TMEM38B: variants seen among roughly 807,000 people sequenced by gnomAD.
The protein encoded by TMEM38B is transmembrane protein 38B, also known as trimeric intracellular cation channel type B.
A neutral mutation model predicts 28.7 loss-of-function variants in TMEM38B; 24 were observed. The observed-to-expected ratio is 0.84, with a 90% confidence interval of 0.61 to 1.18. The LOEUF is 1.18. Ranked by LOEUF, TMEM38B falls within the 50% of genes most tolerant of loss-of-function variation. The pLI, the probability that TMEM38B is intolerant of heterozygous loss-of-function variation, is 0.00. For missense variants in TMEM38B, 380 were observed against 350.9 expected (o/e 1.08, Z -0.66); for synonymous variants, 131 against 127.7 (o/e 1.03, Z -0.17).
At chr9:105,707,156 CCTAA>C (rs1214288268) in intron 2 of TMEM38B, among the ~76,000 whole-genome samples, 24 of 152,118 alleles carry the variant, frequency 1.6e-4, no homozygotes, top group African/African-American at 5.8e-4. Context: ...ATCTTGTGAA[CCTAA>C]CTGATACACG....
intron 2 of TMEM38B, chr9:105,710,714 ACCTGGTGTCG>A: frequency 1.6e-6 from 1 of 643,004 alleles, no homozygotes; most frequent in East Asian, 3.6e-5. Context: ...AAATCTTCAG[ACCTGGTGTCG>A]TTGGCTATGT....
intron 3 of TMEM38B, 114 bp from the exon 4 acceptor site, chr9:105,722,420 T>G (rs1836350701): frequency 3.4e-6 from 3 of 876,222 alleles, no homozygotes; most frequent in African/African-American, 1.7e-5. Context: ...CCAAGAATTA[T>G]ATTTTGGGAA....
rs1414843749 is a variant in TMEM38B, at chr9:105,741,288, G to A, written c.543-6785G>A. ...CCACAGGAAAGTAATAGAGATTTTG[G>A]TACAGGATATGGTGTGCTGCTGTAA... is the stretch of plus-strand genomic sequence containing the variant. On this transcript the variant is annotated intron_variant, in intron 4 of 5. Transcript: ENST00000374692. Among the ~76,000 whole-genome samples, 6 of 152,136 alleles carry A rather than the reference G, an allele frequency of 3.9e-5. No homozygotes were observed. In the South Asian group the frequency reaches 8.3e-4, roughly 21 times the overall value.
intron 5 of TMEM38B, among the ~76,000 whole-genome samples, chr9:105,756,865 C>G (rs1180355073): frequency 1.3e-5 from 2 of 152,124 alleles, no homozygotes; most frequent in Admixed American, 6.5e-5. Flanking sequence ...TTAGATTTTA[C>G]TGATACTGAT....
intron 5 of TMEM38B, among the ~76,000 whole-genome samples, chr9:105,766,465 A>C (rs1478855815): frequency 6.6e-6 from 1 of 152,098 alleles, no homozygotes; most frequent in African/African-American, 2.4e-5. Context: ...ATTATTATTG[A>C]GTTGTAACAG....
At chr9:105,735,838 C>G (rs1226041744) in intron 4 of TMEM38B, among the ~76,000 whole-genome samples, 2 of 152,012 alleles carry the variant, frequency 1.3e-5, no homozygotes, top group African/African-American at 2.4e-5. Flanking sequence ...TCAACCAAGA[C>G]TTGGGAAATT....
intron 4 of TMEM38B, among the ~76,000 whole-genome samples, chr9:105,732,425 G>T (rs2133593491): frequency 6.6e-6 from 1 of 152,134 alleles, no homozygotes; most frequent in East Asian, 1.9e-4. Context: ...TTTCTTCCAG[G>T]GATTTTATGG....
At chr9:105,742,847 T>G (rs1191417133) in intron 4 of TMEM38B, among the ~76,000 whole-genome samples, 1 of 152,232 alleles carries the variant, frequency 6.6e-6, no homozygotes, top group African/African-American at 2.4e-5. Flanking sequence ...CTTTTAAATT[T>G]TTAATTTTGT....
intron 4 of TMEM38B, among the ~76,000 whole-genome samples, chr9:105,742,758 G>A (rs1837252101): frequency 6.6e-6 from 1 of 152,156 alleles, no homozygotes; most frequent in Admixed American, 6.6e-5. Context: ...AGCCACTGTG[G>A]TGCAGAAAAC....
intron 5 of TMEM38B, among the ~76,000 whole-genome samples, chr9:105,765,775 T>G (rs7024278): frequency 6.6e-6 from 1 of 151,890 alleles, no homozygotes; most frequent in Non-Finnish European, 1.5e-5. Flanking sequence ...CATATATGTC[T>G]GTACACAGAC....
chr9:105,709,446 G>A (rs557860690), intron 2 of TMEM38B, among the ~76,000 whole-genome samples: 110 of 152,000 alleles, frequency 7.2e-4, no homozygotes, highest in Non-Finnish European at 1.2e-3. Context: ...AGATATGAAT[G>A]GTGTAAAATA....
chr9:105,770,945 T>C (rs1588482718), intron 5 of TMEM38B, among the ~76,000 whole-genome samples: 1 of 152,208 alleles, frequency 6.6e-6, no homozygotes, highest in Non-Finnish European at 1.5e-5. Context: ...CTAGGCACTA[T>C]AGAGAATATC....
chr9:105,750,320 A>G (rs893087626), intron 5 of TMEM38B, among the ~76,000 whole-genome samples: 4 of 152,020 alleles, frequency 2.6e-5, no homozygotes, highest in African/African-American at 9.7e-5. Context: ...TTAGAAGCAC[A>G]AACTGGTAAA....
chr9:105,740,505 G>A (rs560539273), intron 4 of TMEM38B, among the ~76,000 whole-genome samples: 11 of 152,026 alleles, frequency 7.2e-5, no homozygotes, highest in Admixed American at 2.6e-4. Context: ...GAGGTCAAGC[G>A]ATCCACCCTC....
intron 4 of TMEM38B, among the ~76,000 whole-genome samples, chr9:105,727,112 C>T (rs902793661): frequency 6.6e-6 from 1 of 152,122 alleles, no homozygotes; most frequent in African/African-American, 2.4e-5. Context: ...ATCCTGAATA[C>T]ATTACACTAT....
chr9:105,754,659 G>C (rs1216920954), intron 5 of TMEM38B, among the ~76,000 whole-genome samples: 2 of 152,106 alleles, frequency 1.3e-5, no homozygotes, highest in African/African-American at 4.8e-5. Flanking sequence ...AGCACTAAAT[G>C]CCCACATAAA....
chr9:105,772,294 C>A (rs909116979), intron 5 of TMEM38B, among the ~76,000 whole-genome samples: 2 of 152,120 alleles, frequency 1.3e-5, no homozygotes, highest in African/African-American at 4.8e-5. Flanking sequence ...GATTTTAGGG[C>A]TCACTTCCAT....
At chr9:105,763,049 A>G (rs1211767367) in intron 5 of TMEM38B, among the ~76,000 whole-genome samples, 1 of 148,430 alleles carries the variant, frequency 6.7e-6, no homozygotes, top group Admixed American at 6.7e-5. Flanking sequence ...GGCTGCATAA[A>G]TGTCTTCTTT....
intron 4 of TMEM38B, among the ~76,000 whole-genome samples, chr9:105,726,163 T>G (rs1836504326): frequency 6.6e-6 from 1 of 152,148 alleles, no homozygotes; most frequent in African/African-American, 2.4e-5. Context: ...TTTTAGTTAT[T>G]TTGAAATGTA....
Sources: allele counts gnomAD v4.1 joint callset (sites outside exome capture counted in the v4.1 genomes callset), GRCh38; gene constraint gnomAD v4.1.1; transcripts MANE v1.5; gene names NCBI Gene and HGNC (gene_info 2026-07-23, HGNC 2026-07-21).